Variants in PCDHGB1 observed in about 807,000 individuals in gnomAD.
PCDHGB1 encodes protocadherin gamma subfamily B, 1, also known as protocadherin gamma-B1.
PCDHGB1 carries 34 observed loss-of-function variants against 56.6 expected under a neutral mutation model. The observed-to-expected ratio is 0.60, with a 90% CI of 0.46 to 0.80. The LOEUF is 0.80. Ranked by LOEUF, PCDHGB1 falls within the 30% of genes least tolerant of loss-of-function variation. The pLI is 0.00. For missense variants in PCDHGB1, 1,278 were observed against 1,204.6 expected (o/e 1.06, Z -0.90); for synonymous variants, 561 against 505.9 (o/e 1.11, Z -1.46).
chr5:141,509,350 G>C (rs2099876432), intron 3 of PCDHGB1, among the ~76,000 whole-genome samples: 5 of 152,142 alleles, frequency 3.3e-5, no homozygotes. Flanking sequence ...GGGCTGGCCT[G>C]GGCATCCCTG....
rs1332652972 is a variant in PCDHGB1, at chr5:141,432,381, C to T, written c.2410-62426C>T. On this transcript the variant is annotated intron_variant, in intron 1 of 3. Transcript: ENST00000523390. The surrounding 1 kb of genome is among the most constrained non-coding windows in gnomAD (Gnocchi z 6.0). ...ATGGCGCGGGACAACGGGCACCCGCCCCTCAGCAGCAACGTGTCGTTGAGC... is the reference window on the plus strand; with the variant it reads ...ATGGCGCGGGACAACGGGCACCCGCTCCTCAGCAGCAACGTGTCGTTGAGC... 1 of 1,614,256 alleles carries T rather than the reference C, an allele frequency of 6.2e-7. No homozygotes were observed. The highest frequency in any genetic ancestry group is 1.1e-5 in the South Asian group (1 of 91,082).
chr5:141,352,652 CCTT>C lies in PCDHGB1; in HGVS notation c.2396_2398del (p.Ser799del). On this transcript the variant is annotated inframe_deletion, in exon 1 of 4. Coordinates refer to ENST00000523390, the MANE Select transcript of PCDHGB1 (RefSeq NM_018922.3). The stretch of plus-strand genomic sequence containing the variant: ...TGAAGATCACAAAATCGCTTATGAC[CCTT>C]CTTTGTCTTCGCACGTGAGTTTCTG... 6.2e-7 allele frequency: 1 copy of C among 1,601,014 alleles called. No individual in the cohort carries two copies. The highest frequency in any genetic ancestry group is 8.5e-7 in the Non-Finnish European group (1 of 1,173,132).
Position 141,352,495 on chromosome 5 carries a change from C to T in PCDHGB1, c.2235C>T (p.Pro745=). 1 of 1,614,022 alleles carries T rather than the reference C, an allele frequency of 6.2e-7. No individual in the cohort carries two copies. Among genetic ancestry groups the T allele is most frequent in the East Asian group, 2.2e-5 (1 of 44,880 alleles). ...CCAACCACAGCGAGGGGACTTTGCC[C>T]TATTCCTACAATCTATGTATTGCCT... is the stretch of plus-strand genomic sequence containing the variant. ...VPPNHSEGTL[P]YSYNLCIASH... Residue 745 remains proline, a synonymous_variant, in exon 1 of 4, where the codon CCC becomes CCT. Coordinates refer to ENST00000523390, the MANE Select transcript of PCDHGB1 (RefSeq NM_018922.3).
intron 1 of PCDHGB1, among the ~76,000 whole-genome samples, chr5:141,445,263 C>T (rs1170484721): frequency 1.3e-5 from 2 of 152,152 alleles, no homozygotes; most frequent in African/African-American, 2.4e-5. Context: ...GAATATAAGT[C>T]GAAACCACTC....
rs1300425805 is a variant in PCDHGB1, at chr5:141,352,529, GCAAAGA to G, written c.2272_2277del (p.Lys758_Thr759del). The G allele has an allele frequency of 6.2e-7, 1 of 1,613,988 alleles. No homozygotes were observed. The highest frequency in any genetic ancestry group is 8.5e-7 in the Non-Finnish European group (1 of 1,179,896). On this transcript the variant is annotated inframe_deletion, in exon 1 of 4. Coordinates refer to ENST00000523390, the MANE Select transcript of PCDHGB1 (RefSeq NM_018922.3). ...CAATCTATGTATTGCCTCTCATTCT[GCAAAGA>G]CAGAGTTTAATTCTCTCAACCTGAC...
At chr5:141,494,922 C>T (rs1401836511) in intron 2 of PCDHGB1, 57 bp downstream of exon 2, 23 of 1,613,670 alleles carry the variant, frequency 1.4e-5, no homozygotes, top group Non-Finnish European at 1.9e-5. Flanking sequence ...TCAGGGATGA[C>T]GTGGGAGGAG....
At chr5:141,447,244 A>G (rs1475037979) in intron 1 of PCDHGB1, among the ~76,000 whole-genome samples, 1 of 152,062 alleles carries the variant, frequency 6.6e-6, no homozygotes, top group South Asian at 2.1e-4. Flanking sequence ...GGTTCAAGTG[A>G]TTCTTCTGTC....
chr5:141,394,795 C>T (rs543209610), intron 1 of PCDHGB1: 1 of 1,613,676 alleles, frequency 6.2e-7, no homozygotes, highest in Non-Finnish European at 8.5e-7. Context: ...GTCACGCTCA[C>T]CGTAGCCGTG....
intron 1 of PCDHGB1, chr5:141,424,091 G>A: frequency 1.1e-6 from 1 of 879,778 alleles, no homozygotes; most frequent in Non-Finnish European, 1.4e-6. Context: ...ACCATTATTT[G>A]CTATTACTGC....
At chr5:141,496,892 A>AG (rs1372616572) in intron 2 of PCDHGB1, among the ~76,000 whole-genome samples, 1 of 151,766 alleles carries the variant, frequency 6.6e-6, no homozygotes, top group Non-Finnish European at 1.5e-5. Flanking sequence ...AACACTTAAA[A>AG]AAAAAAAAAA....
At position 141,450,051 on chromosome 5, in the gene PCDHGB1, G is replaced by C. The variant is rs576363410; in HGVS notation, c.2410-44756G>C. ...AGACAGGGTCTCACTCTTTCGCCCA[G>C]GCTGGAATGCAGTGGTATGATCTTG... On this transcript the variant is annotated intron_variant, in intron 1 of 3. Coordinates refer to ENST00000523390, the MANE Select transcript of PCDHGB1 (RefSeq NM_018922.3). Among the ~76,000 whole-genome samples, 362 of 139,654 alleles carry C rather than the reference G, an allele frequency of 2.6e-3. 1 individual carries two copies. Among genetic ancestry groups the C allele is most frequent in the South Asian group, 5.5e-3 (25 of 4,506 alleles). 91.6% of individuals were successfully genotyped at this position (139,654 alleles called of 152,430 possible). A position where few individuals can be genotyped will look rare whatever the true frequency, so the allele number is the denominator to read the frequency against.
intron 1 of PCDHGB1, among the ~76,000 whole-genome samples, chr5:141,359,249 C>G (rs1368630621): frequency 6.6e-6 from 1 of 151,856 alleles, no homozygotes; most frequent in Non-Finnish European, 1.5e-5. Flanking sequence ...AGTAATTAAG[C>G]CATAAAATAT....
chr5:141,414,173 C>A, intron 1 of PCDHGB1: 1 of 1,606,526 alleles, frequency 6.2e-7, no homozygotes. Context: ...GCATATCTTG[C>A]AACTGCAAAA....
At chr5:141,451,484 G>A (rs2098717067) in intron 1 of PCDHGB1, among the ~76,000 whole-genome samples, 1 of 152,194 alleles carries the variant, frequency 6.6e-6, no homozygotes, top group Admixed American at 6.5e-5. Flanking sequence ...CTTGCCATGT[G>A]GACCTCCATA....
At chr5:141,406,244 G>C (rs1214749681) in intron 1 of PCDHGB1, among the ~76,000 whole-genome samples, 1 of 151,936 alleles carries the variant, frequency 6.6e-6, no homozygotes, top group Non-Finnish European at 1.5e-5. Context: ...ATGTTGCCCA[G>C]ACTGGTCTCA....
chr5:141,383,417 G>T lies in PCDHGB1; in HGVS notation c.2409+30748G>T. The T allele has an allele frequency of 1.9e-6, 3 of 1,614,014 alleles. No homozygotes were observed. In the South Asian group the frequency reaches 3.3e-5, roughly 18 times the overall value. On this transcript the variant is annotated intron_variant, in intron 1 of 3. Transcript: ENST00000523390. ...AACTCCCTCCAGAGTTACCAGCTCA[G>T]CCCCAATCGCCACTTCTCCCTGGCT...
At position 141,469,759 on chromosome 5, in the gene PCDHGB1, T is replaced by C. The variant is rs192437401; in HGVS notation, c.2410-25048T>C. On this transcript the variant is annotated intron_variant, in intron 1 of 3. Coordinates refer to ENST00000523390, the MANE Select transcript of PCDHGB1 (RefSeq NM_018922.3). ...ACCTCAAAAATTACAAAAATACATATATACCAGCTTATTTATTACAGCGTT... is the reference window on the plus strand; with the variant it reads ...ACCTCAAAAATTACAAAAATACATACATACCAGCTTATTTATTACAGCGTT... 3.9e-3 allele frequency among the ~76,000 whole-genome samples: 591 copies of C among 152,310 alleles called. 6 individuals are homozygous for C. Among genetic ancestry groups the C allele is most frequent in the Admixed American group, 0.011 (171 of 15,298 alleles).
chr5:141,454,567 C>G (rs572130062), intron 1 of PCDHGB1, among the ~76,000 whole-genome samples: 1 of 150,856 alleles, frequency 6.6e-6, no homozygotes, highest in Non-Finnish European at 1.5e-5. Flanking sequence ...CCACCACGCC[C>G]GGCTAATTTT....
At chr5:141,353,506 C>A (rs1166159265) in intron 1 of PCDHGB1, among the ~76,000 whole-genome samples, 1 of 152,180 alleles carries the variant, frequency 6.6e-6, no homozygotes, top group Non-Finnish European at 1.5e-5. Context: ...TCACAAGTAG[C>A]AAATATTGTC....
Sources: allele counts gnomAD v4.1 joint callset (sites outside exome capture counted in the v4.1 genomes callset), GRCh38; gene constraint gnomAD v4.1.1; non-coding constraint Gnocchi (gnomAD v3.1); transcripts MANE v1.5; gene names NCBI Gene and HGNC (gene_info 2026-07-23, HGNC 2026-07-21).